HS6ST3: variants seen among roughly 807,000 people sequenced by gnomAD.
The protein encoded by HS6ST3 is heparan sulfate 6-O-sulfotransferase 3.
A neutral mutation model predicts 36.7 loss-of-function variants in HS6ST3; 12 were observed. The ratio of observed to expected loss-of-function variants is 0.33; its 90% confidence interval spans 0.21 to 0.53. The LOEUF (loss-of-function observed/expected upper bound fraction) is 0.53, where lower values mean the gene tolerates loss of function less well. Among genes scored for constraint, HS6ST3 ranks in the 20% least tolerant of loss-of-function variants. The probability of loss-of-function intolerance (pLI) is 0.95; values close to 1 mark genes in which losing one functional copy is unlikely to be tolerated. For missense variants in HS6ST3, 584 were observed against 640.9 expected (o/e 0.91, Z 0.96); for synonymous variants, 240 against 257.5 (o/e 0.93, Z 0.65).
intron 1 of HS6ST3, among the ~76,000 whole-genome samples, chr13:96,450,382 C>T (rs1300570159): frequency 4.6e-5 from 7 of 152,058 alleles, no homozygotes; most frequent in Non-Finnish European, 4.4e-5. Context: ...CATTGATGTT[C>T]GTGAAAAATC....
chr13:96,811,213 G>A (rs778265406), intron 1 of HS6ST3, among the ~76,000 whole-genome samples: 2 of 152,130 alleles, frequency 1.3e-5, no homozygotes, highest in African/African-American at 4.8e-5. Context: ...TATCCACTTC[G>A]CATGTTAGCT....
At chr13:96,818,523 G>T (rs1878469223) in intron 1 of HS6ST3, among the ~76,000 whole-genome samples, 1 of 152,198 alleles carries the variant, frequency 6.6e-6, no homozygotes, top group Non-Finnish European at 1.5e-5. Flanking sequence ...TCGTGGGTGG[G>T]AGCTGAAGAA....
In HS6ST3 at chr13:96,675,962, T is replaced by C. The variant is rs372149367; in HGVS notation, c.708-156528T>C. Among the ~76,000 whole-genome samples the C allele has an allele frequency of 1.2e-4, 18 of 152,230 alleles. No homozygotes were observed. In the South Asian group the frequency reaches 3.3e-3, roughly 28 times the overall value. ...CTGATTGGGCAGTGATCTGTGCTCC[T>C]GGCCACCCTATAGGGTCAGTCAGCC... On this transcript the variant is annotated intron_variant, in intron 1 of 1. Coordinates refer to ENST00000376705, the MANE Select transcript of HS6ST3 (RefSeq NM_153456.4).
intron 1 of HS6ST3, among the ~76,000 whole-genome samples, chr13:96,152,584 G>A (rs368613186): frequency 2.0e-4 from 30 of 151,990 alleles, no homozygotes; most frequent in Admixed American, 1.8e-3. Flanking sequence ...CGATCCGCCC[G>A]CCTTGACCTC....
intron 1 of HS6ST3, among the ~76,000 whole-genome samples, chr13:96,792,944 C>CTT (rs1178870411): frequency 1.3e-5 from 2 of 152,072 alleles, no homozygotes; most frequent in African/African-American, 2.4e-5. Flanking sequence ...TAATCAGCAA[C>CTT]TTTTGCCTTC....
intron 1 of HS6ST3, among the ~76,000 whole-genome samples, chr13:96,164,077 C>T (rs1387474273): frequency 6.6e-6 from 1 of 152,038 alleles, no homozygotes; most frequent in East Asian, 1.9e-4. Flanking sequence ...AGGCCTTGTT[C>T]CCTATCTTGG....
intron 1 of HS6ST3, among the ~76,000 whole-genome samples, chr13:96,414,815 G>T (rs1055367082): frequency 9.9e-5 from 15 of 152,144 alleles, no homozygotes; most frequent in African/African-American, 3.6e-4. Context: ...TCTAAACATA[G>T]TGTGACATCT....
intron 1 of HS6ST3, among the ~76,000 whole-genome samples, chr13:96,559,122 C>CTATT (rs1195835242): frequency 1.9e-5 from 2 of 106,494 alleles, no homozygotes; most frequent in Middle Eastern, 4.7e-3. Flanking sequence ...ATCTATCTAT[C>CTATT]TATTTATTTA....
At chr13:96,511,349 T>G (rs182042890) in intron 1 of HS6ST3, among the ~76,000 whole-genome samples, 3 of 152,250 alleles carry the variant, frequency 2.0e-5, no homozygotes, top group Admixed American at 2.0e-4. Flanking sequence ...TGACTGCAGC[T>G]GTGTAAGCTT....
chr13:96,740,683 T>C (rs1876415719), intron 1 of HS6ST3, among the ~76,000 whole-genome samples: 1 of 152,198 alleles, frequency 6.6e-6, no homozygotes, highest in South Asian at 2.1e-4. Context: ...CCATCACTGG[T>C]TTATTTTCTC....
intron 1 of HS6ST3, among the ~76,000 whole-genome samples, chr13:96,759,923 T>C (rs1876923962): frequency 6.6e-6 from 1 of 152,050 alleles, no homozygotes; most frequent in Non-Finnish European, 1.5e-5. Context: ...TTCAGTTCTA[T>C]TATTAGAGCC....
chr13:96,651,163 T>G (rs1283710611), intron 1 of HS6ST3, among the ~76,000 whole-genome samples: 5 of 152,126 alleles, frequency 3.3e-5, no homozygotes, highest in Non-Finnish European at 5.9e-5. Flanking sequence ...CAATTATTTA[T>G]TCAACAAATA....
At chr13:96,561,442 G>T (rs908031250) in intron 1 of HS6ST3, among the ~76,000 whole-genome samples, 1 of 151,938 alleles carries the variant, frequency 6.6e-6, no homozygotes, top group African/African-American at 2.4e-5. Flanking sequence ...CTAGAAGAAA[G>T]CCTAGGAAAC....
intron 1 of HS6ST3, among the ~76,000 whole-genome samples, chr13:96,460,777 G>A (rs2055780201): frequency 6.6e-6 from 1 of 152,200 alleles, no homozygotes; most frequent in East Asian, 1.9e-4. Context: ...CAGTTAAGGA[G>A]ATAGGTCTGG....
At chr13:96,524,403 C>A (rs1010212661) in intron 1 of HS6ST3, among the ~76,000 whole-genome samples, 2 of 152,182 alleles carry the variant, frequency 1.3e-5, no homozygotes, top group Admixed American at 1.3e-4. Context: ...AGCTGTCAGG[C>A]AGGGATGTTT....
At chr13:96,152,683 T>C (rs944847967) in intron 1 of HS6ST3, among the ~76,000 whole-genome samples, 7 of 152,254 alleles carry the variant, frequency 4.6e-5, no homozygotes, top group Middle Eastern at 3.4e-3. Context: ...TGCTTCTATA[T>C]GATTCCCTAT....
At chr13:96,370,173 G>A (rs1413490666) in intron 1 of HS6ST3, among the ~76,000 whole-genome samples, 1 of 152,174 alleles carries the variant, frequency 6.6e-6, no homozygotes, top group Non-Finnish European at 1.5e-5. Flanking sequence ...TCGGTCTCAG[G>A]TGGGGTCTAG....
intron 1 of HS6ST3, among the ~76,000 whole-genome samples, chr13:96,739,087 A>G (rs140201394): frequency 1.2e-3 from 171 of 148,082 alleles, no homozygotes; most frequent in East Asian, 0.011. Context: ...CACCGCACAC[A>G]TTTTTTTTTT....
intron 1 of HS6ST3, among the ~76,000 whole-genome samples, chr13:96,665,147 G>T (rs978508458): frequency 1.3e-5 from 2 of 151,956 alleles, no homozygotes; most frequent in Non-Finnish European, 2.9e-5. Flanking sequence ...CTCCAGCCTG[G>T]GCAATAGAGA....
Sources: gnomAD v4.1 joint callset for allele counts (sites outside exome capture counted in the v4.1 genomes callset) on GRCh38, gnomAD v4.1.1 for gene constraint, MANE v1.5 for transcripts, NCBI Gene and HGNC (gene_info 2026-07-23, HGNC 2026-07-21) for gene names.